The following PTPRT variants were observed in gnomAD, a reference collection of about 807,000 sequenced individuals.
PTPRT encodes protein tyrosine phosphatase receptor type T.
PTPRT carries 56 observed loss-of-function variants against 176.8 expected under a neutral mutation model. The ratio of observed to expected loss-of-function variants is 0.32; its 90% confidence interval spans 0.26 to 0.40. PTPRT has a LOEUF of 0.40. Ranked by LOEUF, PTPRT falls within the 10% of genes least tolerant of loss-of-function variation. The pLI is 1.00. For synonymous variants in PTPRT, 783 were observed against 739.0 expected, an observed-to-expected ratio of 1.06 and a Z score of -0.96; for missense variants, 1,540 against 1,908.2, an observed-to-expected ratio of 0.81 and a Z score of 3.60.
chr20:42,189,401 C>A (rs758137597), intron 16 of PTPRT, among the ~76,000 whole-genome samples: 2 of 152,170 alleles, frequency 1.3e-5, no homozygotes, highest in South Asian at 2.1e-4. Context: ...TGAAACTAAT[C>A]CACTTACAAC....
chr20:42,052,298 A>G, the PTPRT span, among the ~76,000 whole-genome samples: 1 of 152,162 alleles, frequency 6.6e-6, no homozygotes, highest in Non-Finnish European at 1.5e-5. Flanking sequence ...GCAGACTCAC[A>G]TGAGACCTAT....
At chr20:42,567,680 A>T (rs565321545) in intron 7 of PTPRT, among the ~76,000 whole-genome samples, 1 of 152,364 alleles carries the variant, frequency 6.6e-6, no homozygotes, top group East Asian at 1.9e-4. Flanking sequence ...TGTTGTGAAC[A>T]TTCACTATAC....
chr20:42,834,139 T>C (rs1432134592), intron 2 of PTPRT, among the ~76,000 whole-genome samples: 2 of 152,158 alleles, frequency 1.3e-5, no homozygotes, highest in South Asian at 4.1e-4. Flanking sequence ...TATTTGGATA[T>C]ATAAAGAACT....
intron 8 of PTPRT, among the ~76,000 whole-genome samples, chr20:42,454,215 A>G (rs1158648016): frequency 6.6e-6 from 1 of 152,156 alleles, no homozygotes; most frequent in Non-Finnish European, 1.5e-5. Flanking sequence ...TCTTATAAAT[A>G]TATTCCTATT....
the PTPRT span, among the ~76,000 whole-genome samples, chr20:42,044,711 A>G: frequency 4.6e-5 from 7 of 152,360 alleles, no homozygotes; most frequent in South Asian, 2.1e-4. Flanking sequence ...AAGAAACCCA[A>G]TGAGAGAGGT....
chr20:43,093,805 T>C (rs1278906435), intron 1 of PTPRT, among the ~76,000 whole-genome samples: 1 of 152,176 alleles, frequency 6.6e-6, no homozygotes, highest in Non-Finnish European at 1.5e-5. Context: ...GCCATGACGA[T>C]ATTCCTCTCA....
chr20:43,132,911 T>TATGTCATCAA, intron 1 of PTPRT, among the ~76,000 whole-genome samples: 2 of 152,192 alleles, frequency 1.3e-5, no homozygotes, highest in Non-Finnish European at 2.9e-5. Flanking sequence ...CATATAATTA[T>TATGTCATCAA]ATATGAGTAA....
At chr20:42,817,621 G>A (rs925677096) in intron 2 of PTPRT, among the ~76,000 whole-genome samples, 13 of 152,148 alleles carry the variant, frequency 8.5e-5, no homozygotes, top group Admixed American at 2.0e-4. Context: ...CCATTGTTGC[G>A]GAAGAGGCTT....
intron 7 of PTPRT, among the ~76,000 whole-genome samples, chr20:42,671,718 T>C (rs564551961): frequency 1.2e-4 from 19 of 152,350 alleles, no homozygotes; most frequent in African/African-American, 4.3e-4. Context: ...TTGAGTTTGA[T>C]ATACATGATC....
intron 2 of PTPRT, among the ~76,000 whole-genome samples, chr20:42,811,963 T>G (rs1399302822): frequency 1.3e-5 from 2 of 152,174 alleles, no homozygotes; most frequent in African/African-American, 4.8e-5. Flanking sequence ...GAGCTTTATA[T>G]TCTATTATAT....
intron 1 of PTPRT, among the ~76,000 whole-genome samples, chr20:42,941,834 C>T (rs372958410): frequency 4.3e-4 from 65 of 152,232 alleles, no homozygotes; most frequent in African/African-American, 1.4e-3. Context: ...TGATGTCAAA[C>T]AATTTCATGT....
At chr20:42,671,729 G>C (rs76201600) in intron 7 of PTPRT, among the ~76,000 whole-genome samples, 3 of 152,120 alleles carry the variant, frequency 2.0e-5, no homozygotes, top group Non-Finnish European at 4.4e-5. Context: ...ATACATGATC[G>C]CATTTGCTCT....
chr20:43,015,077 T>C (rs1345329509), intron 1 of PTPRT, among the ~76,000 whole-genome samples: 1 of 152,252 alleles, frequency 6.6e-6, no homozygotes, highest in Non-Finnish European at 1.5e-5. Context: ...AACTTTCCTT[T>C]GGCTAATCAT....
chr20:42,856,880 G>A (rs1366880425), intron 2 of PTPRT, among the ~76,000 whole-genome samples: 1 of 152,066 alleles, frequency 6.6e-6, no homozygotes, highest in African/African-American at 2.4e-5. Flanking sequence ...GAAAAAGGAG[G>A]AGAAAAAAGG....
chr20:42,234,291 C>T lies in PTPRT; in HGVS notation c.2342+1938G>A, dbSNP rs538204433. 7.0e-4 allele frequency among the ~76,000 whole-genome samples: 106 copies of T among 152,252 alleles called. 1 individual carries two copies. The highest frequency in any genetic ancestry group is 3.9e-3 in the Admixed American group (60 of 15,302). ...CAACTCTGTGAGTCAGGCACCATTACCCTCATTTTATAATTAAGAGAAAAG... is the reference window on the plus strand; with the variant it reads ...CAACTCTGTGAGTCAGGCACCATTATCCTCATTTTATAATTAAGAGAAAAG... On this transcript the variant is annotated intron_variant, in intron 15 of 30. Transcript: ENST00000373187.
the PTPRT span, among the ~76,000 whole-genome samples, chr20:42,035,900 T>G: frequency 6.6e-6 from 1 of 152,210 alleles, no homozygotes; most frequent in Non-Finnish European, 1.5e-5. Flanking sequence ...GGGGAGTTCA[T>G]TCATTTATCT....
intron 1 of PTPRT, among the ~76,000 whole-genome samples, chr20:42,897,253 T>A (rs933286818): frequency 1.3e-5 from 2 of 152,224 alleles, no homozygotes; most frequent in Admixed American, 1.3e-4. Context: ...ATGATGTCTC[T>A]CTGATGGCTC....
chr20:43,127,649 C>T (rs959023142), intron 1 of PTPRT, among the ~76,000 whole-genome samples: 1 of 152,090 alleles, frequency 6.6e-6, no homozygotes, highest in Non-Finnish European at 1.5e-5. Context: ...TCAGTGCAGA[C>T]GCAGCTTCTT....
At chr20:42,224,077 T>G (rs905161365) in intron 15 of PTPRT, among the ~76,000 whole-genome samples, 1 of 152,178 alleles carries the variant, frequency 6.6e-6, no homozygotes, top group African/African-American at 2.4e-5. Context: ...TGCACTGTGG[T>G]TCAAAGCCCT....
Sources: gnomAD v4.1 joint callset for allele counts (sites outside exome capture counted in the v4.1 genomes callset) on GRCh38, gnomAD v4.1.1 for gene constraint, MANE v1.5 for transcripts, NCBI Gene and HGNC (gene_info 2026-07-23, HGNC 2026-07-21) for gene names.